LRRC37A2: variants seen among roughly 807,000 people sequenced by gnomAD.
LRRC37A2 encodes leucine rich repeat containing 37 member A2, also known as leucine-rich repeat-containing protein 37A2.
Under a neutral mutation model 68.8 loss-of-function variants are expected in LRRC37A2, and 9 were observed. That is an observed-to-expected ratio of 0.13 (90% CI 0.08 to 0.23). The LOEUF is 0.23. Among genes scored for constraint, LRRC37A2 ranks in the 10% least tolerant of loss-of-function variants. LRRC37A2 has a pLI of 1.00. For synonymous variants in LRRC37A2, 63 were observed against 367.6 expected, an observed-to-expected ratio of 0.17 and a Z score of 9.48; for missense variants, 168 against 950.4, an observed-to-expected ratio of 0.18 and a Z score of 10.82.
chr17:46,792,372 G>A, the LRRC37A2 span, among the ~76,000 whole-genome samples: 95 of 152,268 alleles, frequency 6.2e-4, 1 homozygote, highest in South Asian at 0.018. Flanking sequence ...CATTTATTTG[G>A]GTAGAGAGTG....
the LRRC37A2 span, chr17:47,018,290 T>C: frequency 1.2e-6 from 2 of 1,611,536 alleles, no homozygotes; most frequent in Non-Finnish European, 1.7e-6. Context: ...CAGTTCAGCC[T>C]TCTGAGTCTT....
At chr17:46,930,046 C>T in the LRRC37A2 span, 38 of 36,930 alleles carry the variant, frequency 1.0e-3, no homozygotes, top group Non-Finnish European at 1.2e-3. Flanking sequence ...TGTTTTTTTT[C>T]ATTTTTTTTT....
At chr17:46,999,468 C>A in the LRRC37A2 span, among the ~76,000 whole-genome samples, 1 of 152,092 alleles carries the variant, frequency 6.6e-6, no homozygotes, top group Admixed American at 6.5e-5. Context: ...CCTGCCTAAA[C>A]CTCCCGAGTA....
At chr17:46,764,499 C>A in the LRRC37A2 span, 1 of 152,360 alleles carries the variant, frequency 6.6e-6, no homozygotes, top group African/African-American at 2.4e-5. Context: ...TCATTTACCA[C>A]GCGTGCGGCT....
the LRRC37A2 span, among the ~76,000 whole-genome samples, chr17:46,710,204 A>G: frequency 6.6e-6 from 1 of 152,154 alleles, no homozygotes; most frequent in Non-Finnish European, 1.5e-5. Flanking sequence ...ATGTTTTCCT[A>G]TTTATTCTGT....
At chr17:46,869,675 C>T in the LRRC37A2 span, among the ~76,000 whole-genome samples, 5 of 151,834 alleles carry the variant, frequency 3.3e-5, no homozygotes, top group Admixed American at 6.6e-5. Context: ...TTTGAGCCTT[C>T]GCTCCACACT....
chr17:46,738,274 T>C, the LRRC37A2 span, among the ~76,000 whole-genome samples: 1 of 152,158 alleles, frequency 6.6e-6, no homozygotes, highest in East Asian at 1.9e-4. Flanking sequence ...ACTTGAGAAT[T>C]TGAGGATATG....
chr17:46,404,879 AAAATAAATAAAT>A, the LRRC37A2 span, among the ~76,000 whole-genome samples: 3 of 90,910 alleles, frequency 3.3e-5, no homozygotes, highest in Non-Finnish European at 7.7e-5. Flanking sequence ...CAAACAAATT[AAAATAAATAAAT>A]AAATAAATAA....
At chr17:46,714,666 A>C in the LRRC37A2 span, among the ~76,000 whole-genome samples, 1 of 152,040 alleles carries the variant, frequency 6.6e-6, no homozygotes, top group Non-Finnish European at 1.5e-5. Flanking sequence ...AATGATGAAG[A>C]CTTTAAATGG....
the LRRC37A2 span, among the ~76,000 whole-genome samples, chr17:46,895,597 G>A: frequency 6.6e-6 from 1 of 152,172 alleles, no homozygotes; most frequent in Non-Finnish European, 1.5e-5. Flanking sequence ...GATAATTGCT[G>A]TTACCCTGCC....
At chr17:46,894,608 T>C in the LRRC37A2 span, among the ~76,000 whole-genome samples, 1 of 152,054 alleles carries the variant, frequency 6.6e-6, no homozygotes, top group Non-Finnish European at 1.5e-5. Context: ...GTGGCTGTGG[T>C]GGGTGCTGGG....
chr17:46,882,588 T>C, the LRRC37A2 span, among the ~76,000 whole-genome samples: 2 of 151,712 alleles, frequency 1.3e-5, no homozygotes, highest in African/African-American at 4.8e-5. Context: ...GGCTCACCCA[T>C]GATGGGGATG....
At chr17:47,001,030 G>T in the LRRC37A2 span, among the ~76,000 whole-genome samples, 2 of 152,094 alleles carry the variant, frequency 1.3e-5, no homozygotes, top group African/African-American at 4.8e-5. Flanking sequence ...CAGTTACTTG[G>T]GAGACTGAGG....
the LRRC37A2 span, among the ~76,000 whole-genome samples, chr17:46,994,144 G>A: frequency 6.6e-6 from 1 of 151,896 alleles, no homozygotes; most frequent in South Asian, 2.1e-4. Context: ...CGGGACTTTG[G>A]GAGGCCGAGG....
At chr17:46,791,782 A>G in the LRRC37A2 span, among the ~76,000 whole-genome samples, 2 of 151,984 alleles carry the variant, frequency 1.3e-5, no homozygotes, top group African/African-American at 2.4e-5. Context: ...GCGCATGCCT[A>G]TAATCACAGC....
At chr17:46,544,097 CAG>C (rs2055920631) in intron 8 of LRRC37A2, among the ~76,000 whole-genome samples, 1 of 117,876 alleles carries the variant, frequency 8.5e-6, no homozygotes, top group African/African-American at 4.5e-5. Context: ...GCCTGTGTAA[CAG>C]AGCGAGACCC....
chr17:46,816,196 G>A, the LRRC37A2 span, among the ~76,000 whole-genome samples: 5 of 148,394 alleles, frequency 3.4e-5, no homozygotes, highest in Non-Finnish European at 5.9e-5. Context: ...CAAGCCCAGC[G>A]TCACAGGCAG....
the LRRC37A2 span, among the ~76,000 whole-genome samples, chr17:46,496,773 G>A: frequency 7.5e-6 from 1 of 132,818 alleles, no homozygotes; most frequent in African/African-American, 2.9e-5. Context: ...AAATTAGCCA[G>A]GCACGGTGGC....
At chr17:46,721,291 G>C in the LRRC37A2 span, among the ~76,000 whole-genome samples, 4 of 152,074 alleles carry the variant, frequency 2.6e-5, no homozygotes, top group Non-Finnish European at 5.9e-5. Context: ...TGGACATAAC[G>C]GGCTTCTGTG....
Sources: allele counts gnomAD v4.1 joint callset (sites outside exome capture counted in the v4.1 genomes callset), GRCh38; gene constraint gnomAD v4.1.1; transcripts MANE v1.5; gene names NCBI Gene and HGNC (gene_info 2026-07-23, HGNC 2026-07-21).